Variants in FGF9 observed in about 807,000 individuals in gnomAD.
The protein encoded by FGF9 is fibroblast growth factor 9.
Under a neutral mutation model 19.9 loss-of-function variants are expected in FGF9, and 3 were observed. The ratio of observed to expected loss-of-function variants is 0.15; its 90% confidence interval spans 0.07 to 0.39. The LOEUF is 0.39. Ranked by LOEUF, FGF9 falls within the 10% of genes least tolerant of loss-of-function variation. The pLI, the probability that FGF9 is intolerant of heterozygous loss-of-function variation, is 1.00. For synonymous variants in FGF9, 107 were observed against 106.9 expected, an observed-to-expected ratio of 1.00 and a Z score of -0.01; for missense variants, 175 against 256.8, an observed-to-expected ratio of 0.68 and a Z score of 2.18.
chr13:21,679,882 G>A (rs1028639420), intron 1 of FGF9, among the ~76,000 whole-genome samples: 42 of 151,120 alleles, frequency 2.8e-4, no homozygotes, highest in African/African-American at 9.7e-4. Context: ...GTGTGAATCC[G>A]GGAGGCGGAG....
At chr13:21,686,850 G>C (rs1204108764) in intron 2 of FGF9, among the ~76,000 whole-genome samples, 1 of 152,206 alleles carries the variant, frequency 6.6e-6, no homozygotes, top group East Asian at 1.9e-4. Context: ...TAGAGTCAGG[G>C]TGTTTCCACA....
chr13:21,692,856 C>T (rs1872323435), intron 2 of FGF9, among the ~76,000 whole-genome samples: 1 of 152,166 alleles, frequency 6.6e-6, no homozygotes, highest in Admixed American at 6.5e-5. Context: ...ATTAAAATGC[C>T]AACAATAAAG....
rs370509425 is a variant in FGF9 at position 21,683,239 on chromosome 13, GC to G, written c.381+2097del. ...CAGCAAAGCTGCTGGTAGGATTGTT[GC>G]CCAGGCTGTCTCATCTCTCCTTCTG... On this transcript the variant is annotated intron_variant, in intron 2 of 2. Transcript: ENST00000382353. Among the ~76,000 whole-genome samples, 269 of 152,308 alleles carry G rather than the reference GC, an allele frequency of 1.8e-3. 3 individuals are homozygous for G. Among genetic ancestry groups the G allele is most frequent in the African/African-American group, 6.4e-3 (264 of 41,572 alleles).
At chr13:21,673,833 C>T (rs903690934) in intron 1 of FGF9, among the ~76,000 whole-genome samples, 14 of 150,918 alleles carry the variant, frequency 9.3e-5, no homozygotes, top group African/African-American at 2.9e-4. Context: ...CTCCCGCGCT[C>T]GCGGTCGGCA....
chr13:21,704,189 C>T lies in FGF9; in HGVS notation c.*2754C>T, dbSNP rs1872603776. On this transcript the variant is annotated 3_prime_UTR_variant, in exon 3 of 3. Coordinates refer to ENST00000382353, the MANE Select transcript of FGF9 (RefSeq NM_002010.3). ...ACAAACAGATGCTTAGATAGCCAAA[C>T]CACTGTCTTGTTGGTGCCAACACTT... The T allele has an allele frequency of 6.6e-6, 1 of 152,120 alleles. No homozygotes were observed. Among genetic ancestry groups the T allele is most frequent in the South Asian group, 2.1e-4 (1 of 4,820 alleles). 9.4% of individuals were successfully genotyped at this position (152,120 alleles called of 1,614,324 possible). A position where few individuals can be genotyped will look rare whatever the true frequency, so the allele number is the denominator to read the frequency against.
At chr13:21,677,869 CTTTTTG>C (rs924477165) in intron 1 of FGF9, among the ~76,000 whole-genome samples, 8 of 152,118 alleles carry the variant, frequency 5.3e-5, no homozygotes, top group South Asian at 2.1e-4. Context: ...GCTTGGATAG[CTTTTTG>C]GAGACTTATC....
intron 2 of FGF9, among the ~76,000 whole-genome samples, chr13:21,696,733 A>G (rs1565953694): frequency 6.6e-6 from 1 of 152,234 alleles, no homozygotes. Context: ...ATTTTGGAGT[A>G]GAAATACATA....
intron 2 of FGF9, among the ~76,000 whole-genome samples, chr13:21,692,378 C>G (rs1872312835): frequency 6.6e-6 from 1 of 151,978 alleles, no homozygotes; most frequent in Non-Finnish European, 1.5e-5. Flanking sequence ...CCTTTTCTCT[C>G]TTTTTCAAGC....
chr13:21,697,001 G>A (rs1872424404), intron 2 of FGF9, among the ~76,000 whole-genome samples: 1 of 152,142 alleles, frequency 6.6e-6, no homozygotes, highest in African/African-American at 2.4e-5. Context: ...TGTAATTGCA[G>A]GAGCTAAAAT....
At chr13:21,683,901 C>T (rs1731717732) in intron 2 of FGF9, among the ~76,000 whole-genome samples, 1 of 152,206 alleles carries the variant, frequency 6.6e-6, no homozygotes, top group African/African-American at 2.4e-5. Flanking sequence ...AGGATACAGC[C>T]CACGTTCTTT....
At chr13:21,693,978 T>G (rs573492697) in intron 2 of FGF9, among the ~76,000 whole-genome samples, 16 of 152,224 alleles carry the variant, frequency 1.1e-4, no homozygotes, top group Non-Finnish European at 1.9e-4. Flanking sequence ...GAGTCCCTTT[T>G]TTCATTTCCT....
chr13:21,695,224 A>G (rs1168973447), intron 2 of FGF9, among the ~76,000 whole-genome samples: 5 of 151,906 alleles, frequency 3.3e-5, no homozygotes, highest in Non-Finnish European at 4.4e-5. Context: ...TTTTTGTTTT[A>G]GGTGGAGGAG....
In FGF9 at chr13:21,671,445, C is replaced by G; in HGVS notation, c.-468C>G. The stretch of plus-strand genomic sequence containing the variant: ...GGTTAGAGAGTAAAAACAGCGCATG[C>G]CTTCCTGGAGTCAGGATCCGTAAAT... On this transcript the variant is annotated 5_prime_UTR_variant, in exon 1 of 3. Transcript: ENST00000382353. 2.4e-6 allele frequency: 1 copy of G among 424,566 alleles called. No homozygotes were observed. The highest frequency in any genetic ancestry group is 9.2e-5 in the South Asian group (1 of 10,892). 26.3% of individuals were successfully genotyped at this position (424,566 alleles called of 1,614,324 possible).
At chr13:21,695,175 C>CAGCT (rs1415013523) in intron 2 of FGF9, among the ~76,000 whole-genome samples, 1 of 151,886 alleles carries the variant, frequency 6.6e-6, no homozygotes, top group Non-Finnish European at 1.5e-5. Context: ...TTGACGTAAG[C>CAGCT]AGCTTCTGGG....
At position 21,672,806 on chromosome 13, in the gene FGF9, A is replaced by G. The variant is rs1871799895; in HGVS notation, c.277+617A>G. Reference sequence around the variant, plus strand: ...GAGGCTTGGGGGAAAATGACTTGGGAAGAGGCAGGGCGCTCAGGGGTTTTT... The same window carrying G: ...GAGGCTTGGGGGAAAATGACTTGGGGAGAGGCAGGGCGCTCAGGGGTTTTT... On this transcript the variant is annotated intron_variant, in intron 1 of 2. Coordinates refer to ENST00000382353, the MANE Select transcript of FGF9 (RefSeq NM_002010.3). This position sits in a 1 kb window ranked among gnomAD's most constrained non-coding sequence, Gnocchi z 4.2. 6.6e-6 allele frequency among the ~76,000 whole-genome samples: 1 copy of G among 152,200 alleles called. No individual in the cohort carries two copies. The highest frequency in any genetic ancestry group is 2.4e-5 in the African/African-American group (1 of 41,448).
intron 1 of FGF9, among the ~76,000 whole-genome samples, chr13:21,680,207 A>C (rs1872010889): frequency 6.6e-6 from 1 of 152,208 alleles, no homozygotes; most frequent in African/African-American, 2.4e-5. Flanking sequence ...AGCAGTATTT[A>C]TCTCTTCAGA....
At chr13:21,700,157 C>T (rs887597554) in intron 2 of FGF9, among the ~76,000 whole-genome samples, 2 of 152,028 alleles carry the variant, frequency 1.3e-5, no homozygotes, top group African/African-American at 4.8e-5. Context: ...GAAGTGTAGT[C>T]CATCTGGGAA....
At chr13:21,684,333 T>TTC (rs1872109511) in intron 2 of FGF9, among the ~76,000 whole-genome samples, 1 of 149,432 alleles carries the variant, frequency 6.7e-6, no homozygotes, top group East Asian at 1.9e-4. Context: ...ACCACATTCT[T>TTC]TTTTTTTTTG....
At chr13:21,698,481 A>G (rs1872466545) in intron 2 of FGF9, among the ~76,000 whole-genome samples, 1 of 152,208 alleles carries the variant, frequency 6.6e-6, no homozygotes, top group Admixed American at 6.5e-5. Flanking sequence ...ACCTGTTGTA[A>G]AGATGAGGTT....
Sources: gnomAD v4.1 joint callset for allele counts (sites outside exome capture counted in the v4.1 genomes callset) on GRCh38, gnomAD v4.1.1 for gene constraint, Gnocchi (gnomAD v3.1) non-coding constraint, MANE v1.5 for transcripts, NCBI Gene and HGNC (gene_info 2026-07-23, HGNC 2026-07-21) for gene names.